CFAP54: variants seen among roughly 807,000 people sequenced by gnomAD.
CFAP54 encodes cilia and flagella associated protein 54.
Under a neutral mutation model 370.4 loss-of-function variants are expected in CFAP54, and 290 were observed. That is an observed-to-expected ratio of 0.78 (90% CI 0.71 to 0.86). CFAP54 has a LOEUF of 0.86. Ranked by LOEUF, CFAP54 falls within the 40% of genes least tolerant of loss-of-function variation. The pLI, the probability that CFAP54 is intolerant of heterozygous loss-of-function variation, is 0.00. For synonymous variants in CFAP54, 1,206 were observed against 1,236.5 expected (o/e 0.98, Z 0.52); for missense variants, 3,399 against 3,528.7 (o/e 0.96, Z 0.93).
At chr12:96,720,347 AAG>A (rs1694993651) in intron 49 of CFAP54, 56 bp from the exon 50 acceptor site, 1 of 1,274,054 alleles carries the variant, frequency 7.8e-7, no homozygotes. Flanking sequence ...CTAAAGAAGA[AAG>A]AGACAGTATT....
chr12:96,526,325 G>T (rs1955380643), intron 8 of CFAP54, among the ~76,000 whole-genome samples: 1 of 152,198 alleles, frequency 6.6e-6, no homozygotes, highest in Non-Finnish European at 1.5e-5. Context: ...GTACAAAGCA[G>T]AATGACTGGG....
chr12:96,825,284 T>TATATAATATAATATATATATA (rs1555339654), intron 65 of CFAP54, among the ~76,000 whole-genome samples: 1 of 128,618 alleles, frequency 7.8e-6, no homozygotes, highest in African/African-American at 3.0e-5. Context: ...TGTTATATTA[T>TATATAATATAATATATATATA]ATATAATATA....
intron 4 of CFAP54, among the ~76,000 whole-genome samples, chr12:96,511,282 G>T (rs1955164191): frequency 1.3e-5 from 2 of 152,018 alleles, no homozygotes; most frequent in African/African-American, 4.8e-5. Flanking sequence ...TCAAGTAATA[G>T]ATGTTTTGGT....
intron 40 of CFAP54, among the ~76,000 whole-genome samples, chr12:96,681,922 T>C (rs1278590993): frequency 6.6e-6 from 1 of 152,078 alleles, no homozygotes; most frequent in Non-Finnish European, 1.5e-5. Context: ...TGTGATGAGA[T>C]AACGCAGACA....
intron 55 of CFAP54, among the ~76,000 whole-genome samples, chr12:96,745,284 C>T (rs952530991): frequency 2.0e-5 from 3 of 152,194 alleles, no homozygotes; most frequent in Non-Finnish European, 4.4e-5. Flanking sequence ...AGTGGTTGAA[C>T]TAATTTACAC....
chr12:96,585,039 CTT>C (rs11284282), intron 22 of CFAP54, among the ~76,000 whole-genome samples: 54 of 146,926 alleles, frequency 3.7e-4, no homozygotes, highest in Admixed American at 4.7e-4. Context: ...CTCTCTCTCT[CTT>C]TTTTTTTTTT....
At chr12:96,651,032 C>T (rs1956852089) in intron 35 of CFAP54, among the ~76,000 whole-genome samples, 1 of 152,202 alleles carries the variant, frequency 6.6e-6, no homozygotes, top group Admixed American at 6.5e-5. Flanking sequence ...AACACCCTCA[C>T]TGCCACTTTC....
At chr12:96,621,875 GTTTTTTTTTTTTT>G (rs71068819) in intron 27 of CFAP54, among the ~76,000 whole-genome samples, 154 bp downstream of exon 27, 5 of 50,034 alleles carry the variant, frequency 1.0e-4, no homozygotes, top group Admixed American at 7.0e-4. Context: ...TTTTGGGTTT[GTTTTTTTTTTTTT>G]TTTTTTTTTT....
At chr12:96,768,270 G>A (rs763207217) in intron 60 of CFAP54, among the ~76,000 whole-genome samples, 4 of 152,128 alleles carry the variant, frequency 2.6e-5, no homozygotes, top group Admixed American at 6.5e-5. Flanking sequence ...GCAGTGAGCC[G>A]AGATCGCACC....
intron 14 of CFAP54, among the ~76,000 whole-genome samples, chr12:96,545,808 A>T (rs1247900075): frequency 2.0e-5 from 3 of 152,214 alleles, no homozygotes; most frequent in Non-Finnish European, 2.9e-5. Flanking sequence ...TATCTAATGA[A>T]GTCTCCATAA....
chr12:96,683,476 A>T (rs1308183180), intron 40 of CFAP54, among the ~76,000 whole-genome samples: 1 of 152,238 alleles, frequency 6.6e-6, no homozygotes, highest in Non-Finnish European at 1.5e-5. Flanking sequence ...TTTAGAAATC[A>T]TGCAGAAATA....
chr12:96,852,642 C>T (rs1242277070), intron 66 of CFAP54, among the ~76,000 whole-genome samples: 1 of 151,908 alleles, frequency 6.6e-6, no homozygotes, highest in Non-Finnish European at 1.5e-5. Context: ...TTTGAAAGTA[C>T]CAATCATAAA....
At chr12:96,726,849 G>A (rs1387717137) in intron 50 of CFAP54, among the ~76,000 whole-genome samples, 5 of 151,784 alleles carry the variant, frequency 3.3e-5, no homozygotes, top group South Asian at 4.2e-4. Flanking sequence ...TGCTTTGAAT[G>A]TGTCCCAGAG....
intron 64 of CFAP54, among the ~76,000 whole-genome samples, chr12:96,812,481 A>C (rs771378381): frequency 2.0e-5 from 3 of 151,826 alleles, no homozygotes; most frequent in Non-Finnish European, 4.4e-5. Flanking sequence ...TACTTAGTTT[A>C]TTTTTGACTC....
chr12:96,726,920 C>T (rs954546265), intron 50 of CFAP54, among the ~76,000 whole-genome samples: 70 of 152,226 alleles, frequency 4.6e-4, no homozygotes, highest in Middle Eastern at 6.8e-3. Context: ...TTTCTGCCTT[C>T]ATTTCGTTAT....
chr12:96,495,500 T>TTA (rs1555216534), intron 1 of CFAP54, among the ~76,000 whole-genome samples: 1 of 150,964 alleles, frequency 6.6e-6, no homozygotes, highest in Non-Finnish European at 1.5e-5. Flanking sequence ...TTTTTTTTTT[T>TTA]AGTAGAGACG....
intron 60 of CFAP54, among the ~76,000 whole-genome samples, chr12:96,783,672 A>G (rs1958601376): frequency 6.6e-6 from 1 of 152,232 alleles, no homozygotes; most frequent in African/African-American, 2.4e-5. Flanking sequence ...GAATCACCTG[A>G]GGTCGGGAGT....
intron 38 of CFAP54, among the ~76,000 whole-genome samples, chr12:96,660,374 C>T (rs889809323): frequency 1.2e-4 from 19 of 152,114 alleles, no homozygotes; most frequent in Non-Finnish European, 1.5e-5. Flanking sequence ...TTCTTGGACC[C>T]CTTTTCTTCT....
chr12:96,734,212 T>A (rs1957955497), intron 50 of CFAP54, among the ~76,000 whole-genome samples: 1 of 152,200 alleles, frequency 6.6e-6, no homozygotes, highest in Non-Finnish European at 1.5e-5. Flanking sequence ...GGGATGTTAT[T>A]TAACAAATTA....
Sources: allele counts gnomAD v4.1 joint callset (sites outside exome capture counted in the v4.1 genomes callset), GRCh38; gene constraint gnomAD v4.1.1; transcripts MANE v1.5; gene names NCBI Gene and HGNC (gene_info 2026-07-23, HGNC 2026-07-21).